The following HAGH variants were observed in gnomAD, a reference collection of about 807,000 sequenced individuals.
HAGH encodes hydroxyacylglutathione hydrolase, mitochondrial.
HAGH carries 29 observed loss-of-function variants against 35.1 expected under a neutral mutation model. That is an observed-to-expected ratio of 0.83 (90% CI 0.62 to 1.13). HAGH has a LOEUF of 1.13. Ranked by LOEUF, HAGH falls within the 50% of genes most tolerant of loss-of-function variation. The probability of loss-of-function intolerance (pLI) is 0.00; values close to 1 mark genes in which losing one functional copy is unlikely to be tolerated. For synonymous variants in HAGH, 225 were observed against 176.1 expected (o/e 1.28, Z -2.20); for missense variants, 478 against 419.6 (o/e 1.14, Z -1.22).
intron 7 of HAGH, among the ~76,000 whole-genome samples, chr16:1,811,437 G>C (rs1897642581): frequency 6.6e-6 from 1 of 151,892 alleles, no homozygotes; most frequent in Non-Finnish European, 1.5e-5. Context: ...AACAGGCCGG[G>C]CGCGGTTGCT....
chr16:1,820,050 AGCTGAG>A (rs1357378696), intron 3 of HAGH, 36 bp from the exon 4 acceptor site: 1 of 340,344 alleles, frequency 2.9e-6, no homozygotes, highest in Admixed American at 7.2e-5. Flanking sequence ...CTGCCTGCTG[AGCTGAG>A]GGGGCTGCCT....
chr16:1,817,132 C>T, intron 6 of HAGH, 36 bp downstream of exon 6: 1 of 1,466,826 alleles, frequency 6.8e-7, no homozygotes, highest in Non-Finnish European at 9.6e-7. Context: ...TGGTTAAGGC[C>T]CCCCACACCC....
rs145161829 is a variant in HAGH, at chr16:1,809,324, C to T, written c.886G>A (p.Val296Met). Reference protein sequence around the residue: ...ETDPVTTMRAVRREKDQFKMP... With the variant: ...ETDPVTTMRAMRREKDQFKMP... ...TTGAACTGGTCCTTCTCCCTGCGCACGGCCCGCATGGTGGTCACCGGGTCC... is the reference window on the plus strand; with the variant it reads ...TTGAACTGGTCCTTCTCCCTGCGCATGGCCCGCATGGTGGTCACCGGGTCC... Residue 296 changes from valine to methionine, a missense_variant, in exon 9 of 9, where the codon GTG (valine) becomes ATG (methionine). Transcript: ENST00000397356. 48 of 1,613,506 alleles carry T rather than the reference C, an allele frequency of 3.0e-5. No individual in the cohort carries two copies. Among genetic ancestry groups the T allele is most frequent in the Non-Finnish European group, 3.6e-5 (43 of 1,179,764 alleles).
intron 8 of HAGH, 110 bp from the exon 9 acceptor site, chr16:1,809,492 G>A (rs779890685): frequency 5.8e-6 from 5 of 863,370 alleles, no homozygotes; most frequent in South Asian, 5.6e-5. Context: ...GCCCTCAGAG[G>A]ACACGGAGGG....
chr16:1,819,133 G>T lies in HAGH; in HGVS notation c.523C>A (p.Pro175Thr). The T allele has an allele frequency of 6.2e-7, 1 of 1,609,616 alleles. No homozygotes were observed. Among genetic ancestry groups the T allele is most frequent in the Non-Finnish European group, 8.5e-7 (1 of 1,176,426 alleles). ...CACGCACCTGTGAACACGGCAGGGG[G>T]CTCCGAGCCTCCGGGCTTGCTCACG... is the stretch of plus-strand genomic sequence containing the variant. ...YFVSKPGGSE[P>T]PAVFTGDTLF... The change falls in exon 5 of 9, where the codon CCC becomes ACC. Residue 175 changes from proline to threonine, a missense_variant. Pro to Thr is a conservative substitution (Grantham distance 38). Transcript: ENST00000397356.
At chr16:1,809,905 T>A in intron 7 of HAGH, 72 bp from the exon 8 acceptor site, 1 of 1,129,348 alleles carries the variant, frequency 8.9e-7, no homozygotes, top group South Asian at 1.2e-5. Flanking sequence ...GGCTCACGTC[T>A]GTGATACCAG....
intron 3 of HAGH, among the ~76,000 whole-genome samples, chr16:1,820,296 G>A (rs948387266): frequency 3.3e-5 from 5 of 151,934 alleles, no homozygotes; most frequent in Non-Finnish European, 7.4e-5. Flanking sequence ...CAGTGGGTCT[G>A]GGGCGTGGCC....
In HAGH at chr16:1,819,182, G is replaced by A. The variant is rs780566760; in HGVS notation, c.474C>T (p.His158=). ...CGAAGTAACAAATGTGTCCTGAAGT[G>A]TGGCACGGGGTCGCCAGGCACTTGA... ...LNVKCLATPC[H]TSGHICYFVS... Residue 158 remains histidine (H), a synonymous_variant, in exon 5 of 9, where the codon CAC becomes CAT. Coordinates refer to ENST00000397356, the MANE Select transcript of HAGH (RefSeq NM_005326.6). 5.0e-6 allele frequency: 8 copies of A among 1,613,068 alleles called. No homozygotes were observed. The highest frequency in any genetic ancestry group is 4.4e-5 in the South Asian group (4 of 91,044).
At chr16:1,811,135 C>T (rs984287462) in intron 7 of HAGH, among the ~76,000 whole-genome samples, 2 of 152,172 alleles carry the variant, frequency 1.3e-5, no homozygotes, top group Admixed American at 6.5e-5. Context: ...GTCAGTCAGC[C>T]GAGCGCAGTG....
rs933985919 is a variant in HAGH at position 1,819,952 on chromosome 16, C to A, written c.377G>T (p.Gly126Val). 4.3e-6 allele frequency: 7 copies of A among 1,613,332 alleles called. No homozygotes were observed. Among genetic ancestry groups the A allele is most frequent in the Admixed American group, 3.3e-5 (2 of 59,960 alleles). The change falls in exon 4 of 9, where the codon GGT (glycine) becomes GTT (valine). Residue 126 changes from glycine to valine, a missense_variant. By Grantham distance (109) the Gly-to-Val change is moderately radical (BLOSUM62 -3). Transcript: ENST00000397356. ...KLESGLKVYG[G>V]DDRIGALTHK... ...AGTCAGGGCCCCGATACGGTCGTCA[C>A]CCCCGTACACCTTCAGTCCCGACTC...
intron 1 of HAGH, among the ~76,000 whole-genome samples, chr16:1,824,836 A>G (rs1898323890): frequency 6.6e-6 from 1 of 152,228 alleles, no homozygotes; most frequent in Admixed American, 6.5e-5. Flanking sequence ...CAAGATTTCT[A>G]TATGAGCAGC....
rs940473652 is a variant in HAGH at position 1,822,856 on chromosome 16, C to T, written c.249+9G>A. 1.9e-6 allele frequency: 3 copies of T among 1,611,988 alleles called. No homozygotes were observed. Among genetic ancestry groups the T allele is most frequent in the Non-Finnish European group, 2.5e-6 (3 of 1,178,684 alleles). Reference sequence around the variant, plus strand: ...CAGGGCAGGGAGAGCCAGGCACAGCCATGCGCACCTTCTGGGGCTGCACCG... The same window carrying T: ...CAGGGCAGGGAGAGCCAGGCACAGCTATGCGCACCTTCTGGGGCTGCACCG... On this transcript the variant is annotated intron_variant, in intron 2 of 8. Transcript: ENST00000397356.
chr16:1,816,833 T>C, intron 7 of HAGH, 60 bp downstream of exon 7: 1 of 1,054,228 alleles, frequency 9.5e-7, no homozygotes, highest in South Asian at 1.3e-5. Context: ...GCGACCCCGC[T>C]GTGCACAGCG....
chr16:1,819,912 G>A lies in HAGH; in HGVS notation c.417C>T (p.His139=), dbSNP rs745961423. ...RIGALTHKIT[H]LSTLQVGSLN... ...CACTCCTTACCTGCAGTGTGGACAG[G>A]TGAGTGATCTTGTGAGTCAGGGCCC... The change falls in exon 4 of 9, where the codon CAC becomes CAT. Residue 139 remains histidine, a synonymous_variant. Transcript: ENST00000397356. 2.5e-6 allele frequency: 4 copies of A among 1,606,554 alleles called. No individual in the cohort carries two copies. The highest frequency in any genetic ancestry group is 2.2e-5 in the South Asian group (2 of 90,946).
chr16:1,826,536 C>T (rs1297951494), intron 1 of HAGH, 176 bp downstream of exon 1: 1 of 981,864 alleles, frequency 1.0e-6, no homozygotes, highest in African/African-American at 1.8e-5. Flanking sequence ...CGGCCCCGCG[C>T]CCGCTCCGCG....
At chr16:1,821,260 C>T (rs924761139) in intron 3 of HAGH, among the ~76,000 whole-genome samples, 1 of 152,196 alleles carries the variant, frequency 6.6e-6, no homozygotes, top group African/African-American at 2.4e-5. Context: ...TGAGACTCTC[C>T]AGGCCTAAGT....
Position 1,809,275 on chromosome 16 carries a change from G to C in HAGH, c.*8C>G, listed in dbSNP as rs1897521329. ...AATCCCCAAATCCGCTGAAGGTGCA[G>C]GGCGGCCTCAGTCCCGGGGCATCTT... On this transcript the variant is annotated 3_prime_UTR_variant, in exon 9 of 9. Coordinates refer to ENST00000397356, the MANE Select transcript of HAGH (RefSeq NM_005326.6). 2.5e-6 allele frequency: 4 copies of C among 1,587,646 alleles called. No homozygotes were observed. The highest frequency in any genetic ancestry group is 4.5e-5 in the East Asian group (2 of 44,446).
At chr16:1,814,930 T>TACACACACACAC (rs4027423) in intron 7 of HAGH, among the ~76,000 whole-genome samples, 3 of 140,732 alleles carry the variant, frequency 2.1e-5, no homozygotes, top group South Asian at 2.3e-4. Context: ...TATATGTATA[T>TACACACACACAC]ACACACACAC....
intron 1 of HAGH, chr16:1,826,374 C>T (rs1056232835): frequency 5.3e-6 from 1 of 188,590 alleles, no homozygotes; most frequent in Non-Finnish European, 9.8e-6. Context: ...CTGCCCGCTG[C>T]GCCTCAGAGC....
Sources: gnomAD v4.1 joint callset for allele counts (sites outside exome capture counted in the v4.1 genomes callset) on GRCh38, gnomAD v4.1.1 for gene constraint, MANE v1.5 for transcripts, NCBI Gene and HGNC (gene_info 2026-07-23, HGNC 2026-07-21) for gene names.